Variants in EPAS1 observed in about 807,000 individuals in gnomAD.
The protein encoded by EPAS1 is endothelial PAS domain-containing protein 1.
In EPAS1, 23 loss-of-function variants were observed where a neutral mutation model predicts 87.9. The observed-to-expected ratio is 0.26, with a 90% CI of 0.19 to 0.37. EPAS1 has a LOEUF of 0.37. Among genes scored for constraint, EPAS1 ranks in the 10% least tolerant of loss-of-function variants. The pLI is 1.00. For missense variants in EPAS1, 1,138 were observed against 1,120.7 expected (o/e 1.02, Z -0.22); for synonymous variants, 508 against 444.3 (o/e 1.14, Z -1.80).
At chr2:46,336,675 C>G (rs1363186251) in intron 1 of EPAS1, among the ~76,000 whole-genome samples, 1 of 152,190 alleles carries the variant, frequency 6.6e-6, no homozygotes, top group East Asian at 1.9e-4. Context: ...ACTAACCCTG[C>G]CAGATGGCAT....
intron 2 of EPAS1, among the ~76,000 whole-genome samples, chr2:46,351,273 G>T (rs1684139435): frequency 1.3e-5 from 2 of 152,306 alleles, no homozygotes; most frequent in South Asian, 2.1e-4. Flanking sequence ...CAGTCAACAG[G>T]TGTTTGCTGA....
chr2:46,333,249 T>C (rs1396079689), intron 1 of EPAS1, among the ~76,000 whole-genome samples: 1 of 152,214 alleles, frequency 6.6e-6, no homozygotes, highest in Non-Finnish European at 1.5e-5. Context: ...CAGCTCACCA[T>C]ACCATAACTG....
chr2:46,353,137 G>A (rs1176464677), intron 2 of EPAS1, among the ~76,000 whole-genome samples: 2 of 152,284 alleles, frequency 1.3e-5, no homozygotes, highest in African/African-American at 4.8e-5. Flanking sequence ...TGTATCTACA[G>A]AAGGTGGTCA....
At chr2:46,366,160 T>C (rs2346176) in intron 6 of EPAS1, among the ~76,000 whole-genome samples, 86,262 of 152,220 alleles carry the variant, frequency 0.57, 27,204 homozygotes, top group African/African-American at 0.84. Flanking sequence ...GGCGATTACA[T>C]GCGGGGAAGA....
intron 6 of EPAS1, among the ~76,000 whole-genome samples, chr2:46,362,930 AG>A (rs1465544796): frequency 7.1e-6 from 1 of 140,362 alleles, no homozygotes; most frequent in African/African-American, 2.7e-5. Flanking sequence ...ACTTCGACAC[AG>A]TCACCATTTA....
intron 1 of EPAS1, among the ~76,000 whole-genome samples, chr2:46,338,187 T>C (rs1683836100): frequency 6.6e-6 from 1 of 152,204 alleles, no homozygotes; most frequent in African/African-American, 2.4e-5. Context: ...CACTGGGTGA[T>C]GGCTGGGCAT....
chr2:46,353,498 G>T (rs890363933), intron 2 of EPAS1, among the ~76,000 whole-genome samples: 6 of 152,192 alleles, frequency 3.9e-5, no homozygotes, highest in African/African-American at 1.4e-4. Flanking sequence ...ACTGGGCCAC[G>T]CAAATTATGT....
intron 1 of EPAS1, among the ~76,000 whole-genome samples, chr2:46,343,139 C>A (rs930911432): frequency 2.0e-5 from 3 of 152,210 alleles, no homozygotes; most frequent in African/African-American, 7.2e-5. Flanking sequence ...ACCCTCCCAG[C>A]ACTACTGTGA....
chr2:46,345,093 T>C (rs139965991), intron 1 of EPAS1, among the ~76,000 whole-genome samples: 356 of 152,308 alleles, frequency 2.3e-3, no homozygotes, highest in African/African-American at 8.3e-3. Context: ...CTAGAGCTGA[T>C]TGGATTGAGG....
intron 2 of EPAS1, 95 bp from the exon 3 acceptor site, chr2:46,356,056 C>T (rs1684263044): frequency 2.2e-6 from 3 of 1,377,010 alleles, no homozygotes; most frequent in African/African-American, 1.4e-5. Flanking sequence ...CCACCCAATG[C>T]CTTTGCACCA....
At chr2:46,302,519 G>T (rs1683028682) in intron 1 of EPAS1, among the ~76,000 whole-genome samples, 1 of 151,944 alleles carries the variant, frequency 6.6e-6, no homozygotes, top group Non-Finnish European at 1.5e-5. Flanking sequence ...ATTAGCTCCT[G>T]GGGCCCTAGT....
intron 11 of EPAS1, among the ~76,000 whole-genome samples, 155 bp downstream of exon 11, chr2:46,378,922 G>A (rs1684820092): frequency 6.6e-6 from 1 of 152,208 alleles, no homozygotes; most frequent in Admixed American, 6.5e-5. Context: ...GGGGTACAGG[G>A]TAATGGAGCC....
At chr2:46,307,402 A>G (rs150241265) in intron 1 of EPAS1, among the ~76,000 whole-genome samples, 24 of 152,286 alleles carry the variant, frequency 1.6e-4, no homozygotes, top group Non-Finnish European at 2.1e-4. Context: ...TGAAGGTCAC[A>G]TTTCACTGGT....
intron 1 of EPAS1, among the ~76,000 whole-genome samples, chr2:46,309,299 G>A (rs910660914): frequency 2.0e-5 from 3 of 152,218 alleles, no homozygotes; most frequent in African/African-American, 4.8e-5. Flanking sequence ...TGTACGGTGA[G>A]GTTACAAAGA....
intron 1 of EPAS1, among the ~76,000 whole-genome samples, chr2:46,342,623 ACATCTTGG>A (rs1683934108): frequency 6.6e-6 from 1 of 152,194 alleles, no homozygotes; most frequent in Admixed American, 6.5e-5. Context: ...CTGGTGACAG[ACATCTTGG>A]GGCCTCACTC....
At chr2:46,358,000 T>C (rs1469985856) in intron 4 of EPAS1, among the ~76,000 whole-genome samples, 1 of 152,196 alleles carries the variant, frequency 6.6e-6, no homozygotes, top group Non-Finnish European at 1.5e-5. Context: ...TCTGGGGAGA[T>C]TCTGTGCATG....
rs946557230 is a variant in EPAS1, at chr2:46,381,074, A to C, written c.2045+357A>C. The C allele has an allele frequency of 6.5e-5, 23 of 354,504 alleles. No homozygotes were observed. In the Middle Eastern group the frequency reaches 2.6e-3, roughly 40 times the overall value. The allele number at this position is 354,504 out of a possible 1,614,324, so 22.0% of individuals were successfully genotyped here. On this transcript the variant is annotated intron_variant, in intron 12 of 15. Transcript: ENST00000263734. ...CCCTGGTTGAAAACAGCAAAAAGAT[A>C]CCCCTGCCTCCCCTTGCCTTTTGGC...
intron 6 of EPAS1, among the ~76,000 whole-genome samples, chr2:46,367,757 G>A (rs948171571): frequency 4.6e-5 from 7 of 152,314 alleles, no homozygotes; most frequent in Non-Finnish European, 1.0e-4. Flanking sequence ...TCTCAGCCCT[G>A]TTGAGCTGCT....
Position 46,353,905 on chromosome 2 carries a change from C to G in EPAS1, c.218-2246C>G, listed in dbSNP as rs141112870. On this transcript the variant is annotated intron_variant, in intron 2 of 15. Coordinates refer to ENST00000263734, the MANE Select transcript of EPAS1 (RefSeq NM_001430.5). ...CAGAGGGAAAGCCACCGGGGCATTA[C>G]TCTGTACAACCCAACTCTTGGCTCT... 2.6e-3 allele frequency among the ~76,000 whole-genome samples: 397 copies of G among 152,368 alleles called. 4 individuals are homozygous for G. Among genetic ancestry groups the G allele is most frequent in the African/African-American group, 7.8e-3 (325 of 41,582 alleles).
Sources: gnomAD v4.1 joint callset for allele counts (sites outside exome capture counted in the v4.1 genomes callset) on GRCh38, gnomAD v4.1.1 for gene constraint, MANE v1.5 for transcripts, NCBI Gene and HGNC (gene_info 2026-07-23, HGNC 2026-07-21) for gene names.